Variants in EEIG1 observed in about 807,000 individuals in gnomAD.
The protein encoded by EEIG1 is estrogen-induced osteoclastogenesis regulator 1.
At chr9:127,953,111 C>T in the EEIG1 span, among the ~76,000 whole-genome samples, 1 of 152,012 alleles carries the variant, frequency 6.6e-6, no homozygotes, top group Admixed American at 6.6e-5. Context: ...GCCTGGGCAA[C>T]AGAGCAAGAC....
At chr9:127,967,222 G>A in the EEIG1 span, among the ~76,000 whole-genome samples, 2 of 152,106 alleles carry the variant, frequency 1.3e-5, no homozygotes, top group African/African-American at 4.8e-5. Context: ...GTGGGAAAAG[G>A]CCCCCCAGCA....
At chr9:127,954,688 C>A in the EEIG1 span, among the ~76,000 whole-genome samples, 1 of 152,174 alleles carries the variant, frequency 6.6e-6, no homozygotes, top group Non-Finnish European at 1.5e-5. Context: ...GAGGCTAAGA[C>A]CCTCACCTGA....
chr9:127,951,248 T>C, the EEIG1 span, among the ~76,000 whole-genome samples: 1 of 152,092 alleles, frequency 6.6e-6, no homozygotes, highest in Non-Finnish European at 1.5e-5. Context: ...CATCTCCGGT[T>C]CCCTCTGCAA....
At chr9:127,962,900 C>T in the EEIG1 span, among the ~76,000 whole-genome samples, 1 of 152,108 alleles carries the variant, frequency 6.6e-6, no homozygotes, top group African/African-American at 2.4e-5. Context: ...CACGGACCCT[C>T]CTTACTGCCC....
the EEIG1 span, chr9:127,943,106 A>G: frequency 7.9e-7 from 1 of 1,269,864 alleles, no homozygotes; most frequent in East Asian, 2.3e-5. Context: ...CGCAGAGGTG[A>G]TCTGAAGGGG....
At chr9:127,976,122 A>G in the EEIG1 span, among the ~76,000 whole-genome samples, 1 of 152,202 alleles carries the variant, frequency 6.6e-6, no homozygotes, top group East Asian at 1.9e-4. This position sits in a 1 kb window ranked among gnomAD's most constrained non-coding sequence, Gnocchi z 4.1. Context: ...AATCCATGGA[A>G]TGGAGCCTTT....
At chr9:127,971,995 T>C in the EEIG1 span, among the ~76,000 whole-genome samples, 2 of 152,054 alleles carry the variant, frequency 1.3e-5, no homozygotes, top group Non-Finnish European at 2.9e-5. Flanking sequence ...TCCCATGTAC[T>C]GAGCGGCCGC....
the EEIG1 span, among the ~76,000 whole-genome samples, chr9:127,951,977 T>C: frequency 6.6e-6 from 1 of 152,126 alleles, no homozygotes; most frequent in Non-Finnish European, 1.5e-5. Context: ...CTCTGTATAA[T>C]GGGAGTAAAG....
At chr9:127,944,583 G>A in the EEIG1 span, 40 of 1,259,848 alleles carry the variant, frequency 3.2e-5, no homozygotes, top group East Asian at 1.2e-4. Flanking sequence ...AGCCCCAGCC[G>A]CCCCGACGAC....
the EEIG1 span, among the ~76,000 whole-genome samples, chr9:127,974,945 C>A: frequency 2.6e-5 from 4 of 152,256 alleles, no homozygotes; most frequent in Non-Finnish European, 5.9e-5. Context: ...TCCCATCGAA[C>A]CTCCACGGCC....
the EEIG1 span, among the ~76,000 whole-genome samples, chr9:127,965,018 A>G: frequency 3.5e-4 from 51 of 145,396 alleles, 1 homozygote; most frequent in African/African-American, 1.3e-3. Context: ...CTGAGGCAGG[A>G]GAATCTCTTG....
the EEIG1 span, chr9:127,942,564 G>C: frequency 1.3e-5 from 2 of 155,736 alleles, no homozygotes; most frequent in African/African-American, 2.4e-5. Context: ...CAGGGGTCTC[G>C]ATCTGGAGTG....
At chr9:127,978,773 G>A in the EEIG1 span, among the ~76,000 whole-genome samples, 28 of 152,230 alleles carry the variant, frequency 1.8e-4, no homozygotes, top group African/African-American at 6.5e-4. Context: ...GGAGGTGGAG[G>A]TTGCAGTGAC....
At chr9:127,946,800 C>T in the EEIG1 span, among the ~76,000 whole-genome samples, 1 of 152,192 alleles carries the variant, frequency 6.6e-6, no homozygotes, top group African/African-American at 2.4e-5. Context: ...TCTCTCACTG[C>T]TCTCAGTTCC....
chr9:127,970,708 G>A, the EEIG1 span, among the ~76,000 whole-genome samples: 74 of 151,828 alleles, frequency 4.9e-4, 1 homozygote, highest in African/African-American at 1.8e-3. Context: ...CACCCCTCCA[G>A]GTACAGTCCA....
chr9:127,947,305 G>A, the EEIG1 span, among the ~76,000 whole-genome samples: 2 of 149,500 alleles, frequency 1.3e-5, no homozygotes, highest in Non-Finnish European at 1.5e-5. Flanking sequence ...GCATGGTGGC[G>A]CTCGCCTGTA....
chr9:127,943,121 T>A, the EEIG1 span: 3 of 1,461,022 alleles, frequency 2.1e-6, no homozygotes. Context: ...AAGGGGAAAG[T>A]TCCTCATGGA....
At chr9:127,955,359 C>T in the EEIG1 span, among the ~76,000 whole-genome samples, 1 of 152,252 alleles carries the variant, frequency 6.6e-6, no homozygotes, top group African/African-American at 2.4e-5. Context: ...CACTCGAGCT[C>T]ATATCCCCAG....
the EEIG1 span, among the ~76,000 whole-genome samples, chr9:127,965,225 G>C: frequency 2.0e-5 from 3 of 151,650 alleles, no homozygotes; most frequent in African/African-American, 7.3e-5. Context: ...AGACTCCGCA[G>C]GACAGGGTTT....
Sources: allele counts gnomAD v4.1 joint callset (sites outside exome capture counted in the v4.1 genomes callset), GRCh38; gene constraint gnomAD v4.1.1; non-coding constraint Gnocchi (gnomAD v3.1); transcripts MANE v1.5; gene names NCBI Gene and HGNC (gene_info 2026-07-23, HGNC 2026-07-21).